Variants in GGACT observed in about 807,000 individuals in gnomAD.
GGACT encodes the protein gamma-glutamylamine cyclotransferase.
For synonymous variants in GGACT, 118 were observed against 115.3 expected (o/e 1.02, Z -0.15); for missense variants, 241 against 233.2 (o/e 1.03, Z -0.22).
At chr13:100,542,430 G>A (rs757578767) in intron 2 of GGACT, among the ~76,000 whole-genome samples, 14 of 152,196 alleles carry the variant, frequency 9.2e-5, no homozygotes, top group African/African-American at 3.1e-4. Context: ...AGCCTGCCAC[G>A]CTGTCATCCC....
At chr13:100,544,680 C>T (rs903246791) in intron 2 of GGACT, among the ~76,000 whole-genome samples, 2 of 152,230 alleles carry the variant, frequency 1.3e-5, no homozygotes, top group Admixed American at 6.5e-5. Context: ...CTGAATGCTC[C>T]TCAGCAACCA....
At chr13:100,538,285 G>C (rs2088517589) in intron 2 of GGACT, 1 of 152,162 alleles carries the variant, frequency 6.6e-6, no homozygotes. Flanking sequence ...TGTCAAGTAT[G>C]GTGGAGGACT....
chr13:100,554,786 T>C (rs745982743), intron 2 of GGACT, among the ~76,000 whole-genome samples: 2 of 152,192 alleles, frequency 1.3e-5, no homozygotes, highest in Non-Finnish European at 2.9e-5. Flanking sequence ...GATGGATATA[T>C]GAGAATCATT....
rs533325951 is a variant in GGACT at position 100,567,044 on chromosome 13, G to C, written c.-11+16781C>G. ...TGATGCTGTCTCCTGATTAGATTCG[G>C]ATGGTATATCTTGAGCAGGAATCTT... On this transcript the variant is annotated intron_variant, in intron 2 of 2. Transcript: ENST00000683975. 1.1e-4 allele frequency among the ~76,000 whole-genome samples: 16 copies of C among 152,334 alleles called. No individual in the cohort carries two copies. The East Asian group carries it at 2.9e-3, about 28-fold the overall frequency.
intron 2 of GGACT, among the ~76,000 whole-genome samples, chr13:100,567,155 T>A (rs185911703): frequency 6.6e-6 from 1 of 152,360 alleles, no homozygotes; most frequent in African/African-American, 2.4e-5. Flanking sequence ...ACATTCACTC[T>A]GATCACTTAA....
chr13:100,566,275 G>A (rs899019443), intron 2 of GGACT, among the ~76,000 whole-genome samples: 4 of 152,208 alleles, frequency 2.6e-5, no homozygotes, highest in African/African-American at 9.7e-5. Context: ...CCTCAGCAGT[G>A]GATAAGTCCA....
At chr13:100,571,804 G>A (rs1046818456) in intron 2 of GGACT, among the ~76,000 whole-genome samples, 1 of 152,136 alleles carries the variant, frequency 6.6e-6, no homozygotes, top group South Asian at 2.1e-4. Flanking sequence ...TATACATTCT[G>A]GCCCACACAT....
chr13:100,584,775 C>T (rs1875516010), intron 1 of GGACT, among the ~76,000 whole-genome samples: 1 of 151,748 alleles, frequency 6.6e-6, no homozygotes, highest in South Asian at 2.1e-4. Flanking sequence ...TACTAGGTAC[C>T]CACAAAAATT....
chr13:100,559,169 TTTTAC>T (rs1252691405), intron 2 of GGACT, among the ~76,000 whole-genome samples: 3 of 152,172 alleles, frequency 2.0e-5, no homozygotes, highest in African/African-American at 7.2e-5. Flanking sequence ...ATACATTTTA[TTTTAC>T]TTATTAATTT....
At position 100,532,477 on chromosome 13, in the gene GGACT, G is replaced by C; in HGVS notation, c.115C>G (p.Pro39Ala). The C allele has an allele frequency of 4.5e-6, 7 of 1,549,448 alleles. No homozygotes were observed. The highest frequency in any genetic ancestry group is 1.4e-5 in the African/African-American group (1 of 73,164). ...AFRARGRTLE[P>A]YPLVIAGEHN... ...TCCCCCGCGATCACCAACGGGTAGG[G>C]CTCCAGCGTGCGGCCGCGCGCCCGA... Residue 39 changes from proline to alanine, a missense_variant, in exon 3 of 3, where the codon CCC becomes GCC. By Grantham distance (27) the Pro-to-Ala change is conservative. Transcript: ENST00000683975.
intron 2 of GGACT, chr13:100,535,918 T>C (rs927708439): frequency 6.6e-6 from 1 of 152,134 alleles, no homozygotes; most frequent in South Asian, 2.1e-4. Flanking sequence ...CCCTGCCAGC[T>C]CTAGTCTGGG....
chr13:100,566,143 A>T (rs2088808867), intron 2 of GGACT, among the ~76,000 whole-genome samples: 1 of 152,206 alleles, frequency 6.6e-6, no homozygotes, highest in Non-Finnish European at 1.5e-5. Context: ...CCAGCACCTG[A>T]GTGCAGCCTG....
intron 2 of GGACT, among the ~76,000 whole-genome samples, chr13:100,558,853 G>A (rs1281191445): frequency 6.6e-6 from 1 of 152,106 alleles, no homozygotes; most frequent in African/African-American, 2.4e-5. Context: ...GATGGAGAGA[G>A]GTTGGTCAGA....
At chr13:100,585,937 G>C (rs542005212) in intron 1 of GGACT, among the ~76,000 whole-genome samples, 1 of 151,174 alleles carries the variant, frequency 6.6e-6, no homozygotes, top group South Asian at 2.1e-4. Context: ...CCAGGAGTTC[G>C]AGGTTACAGT....
At chr13:100,588,404 TGGGCTGTCACGCTTCCTTTACA>T (rs2153017982) in intron 1 of GGACT, among the ~76,000 whole-genome samples, 1 of 152,364 alleles carries the variant, frequency 6.6e-6, no homozygotes, top group Non-Finnish European at 1.5e-5. Flanking sequence ...AGCCAGCGTG[TGGGCTGTCACGCTTCCTTTACA>T]GGGAAGCAGC....
chr13:100,539,644 G>T (rs2088530964), intron 2 of GGACT: 1 of 493,170 alleles, frequency 2.0e-6, no homozygotes, highest in Non-Finnish European at 3.5e-6. Context: ...TCTTCATCAA[G>T]AATATTAGTC....
In GGACT at chr13:100,530,820, C is replaced by T. The variant is rs771768567; in HGVS notation, c.*1310G>A. On this transcript the variant is annotated 3_prime_UTR_variant, in exon 3 of 3. Transcript: ENST00000683975. ...TGTTTTTGTTTGTTTTGAGGATGAG[C>T]GCGCTGCCTGGTCCCTTCCCCATTG... 8 of 163,290 alleles carry T rather than the reference C, an allele frequency of 4.9e-5. No individual in the cohort carries two copies. The highest frequency in any genetic ancestry group is 5.8e-5 in the Admixed American group (1 of 17,230). 10.1% of individuals were successfully genotyped at this position (163,290 alleles called of 1,614,324 possible).
intron 2 of GGACT, chr13:100,539,728 T>G (rs1367366595): frequency 3.3e-6 from 2 of 610,748 alleles, no homozygotes; most frequent in Non-Finnish European, 5.7e-6. Flanking sequence ...TTCCTTCTTC[T>G]TCATTCTTTA....
At chr13:100,574,783 T>C (rs1027121431) in intron 2 of GGACT, among the ~76,000 whole-genome samples, 1 of 152,124 alleles carries the variant, frequency 6.6e-6, no homozygotes, top group African/African-American at 2.4e-5. Flanking sequence ...AGGTACCTCC[T>C]GTATCTAAAA....
Sources: gnomAD v4.1 joint callset for allele counts (sites outside exome capture counted in the v4.1 genomes callset) on GRCh38, gnomAD v4.1.1 for gene constraint, MANE v1.5 for transcripts, NCBI Gene and HGNC (gene_info 2026-07-23, HGNC 2026-07-21) for gene names.